Variants in MYO5B observed in about 807,000 individuals in gnomAD.
MYO5B encodes the protein myosin VB, also known as unconventional myosin-Vb.
Under a neutral mutation model 229.3 loss-of-function variants are expected in MYO5B, and 143 were observed. The ratio of observed to expected loss-of-function variants is 0.62; its 90% CI spans 0.54 to 0.72. The LOEUF (loss-of-function observed/expected upper bound fraction) is 0.72, where lower values mean the gene tolerates loss of function less well. Ranked by LOEUF, MYO5B falls within the 30% of genes least tolerant of loss-of-function variation. The probability of loss-of-function intolerance (pLI) is 0.00; values close to 1 mark genes in which losing one functional copy is unlikely to be tolerated. For synonymous variants in MYO5B, 918 were observed against 885.2 expected (o/e 1.04, Z -0.66); for missense variants, 2,321 against 2,331.0 (o/e 1.00, Z 0.09).
chr18:50,112,201 G>A lies in MYO5B; in HGVS notation c.28-56823C>T, dbSNP rs143819931. ...GAGCAAACCTCCTAAATATTGAGTAGGGAAAAAGTATAGTAAAGAGAATTG... is the reference window on the plus strand; with the variant it reads ...GAGCAAACCTCCTAAATATTGAGTAAGGAAAAAGTATAGTAAAGAGAATTG... On this transcript the variant is annotated intron_variant, in intron 1 of 39. Transcript: ENST00000285039. Among the ~76,000 whole-genome samples, 22 of 152,258 alleles carry A rather than the reference G, an allele frequency of 1.4e-4. No homozygotes were observed. The East Asian group carries it at 3.7e-3, about 25-fold the overall frequency.
At position 50,170,973 on chromosome 18, in the gene MYO5B, C is replaced by T. The variant is rs1202833527; in HGVS notation, c.27+23794G>A. On this transcript the variant is annotated intron_variant, in intron 1 of 39. Coordinates refer to ENST00000285039, the MANE Select transcript of MYO5B (RefSeq NM_001080467.3). ...AGTGAAGAGCTGCAAAATCCCGTTACCCCGTGGTGAACCCACACCTGCCTC... is the reference window on the plus strand; with the variant it reads ...AGTGAAGAGCTGCAAAATCCCGTTATCCCGTGGTGAACCCACACCTGCCTC... Among the ~76,000 whole-genome samples, 3 of 127,610 alleles carry T rather than the reference C, an allele frequency of 2.4e-5. 1 individual carries two copies. The highest frequency in any genetic ancestry group is 8.9e-5 in the African/African-American group (3 of 33,694). 83.7% of individuals were successfully genotyped at this position (127,610 alleles called of 152,430 possible).
At chr18:50,002,086 C>G (rs1290356957) in intron 4 of MYO5B, among the ~76,000 whole-genome samples, 1 of 151,868 alleles carries the variant, frequency 6.6e-6, no homozygotes, top group Admixed American at 6.6e-5. Flanking sequence ...TATATCATCT[C>G]CCCTTTGTTT....
chr18:49,940,975 A>G (rs1232504762), intron 14 of MYO5B, among the ~76,000 whole-genome samples: 1 of 152,242 alleles, frequency 6.6e-6, no homozygotes, highest in South Asian at 2.1e-4. Context: ...TACAAAGTTC[A>G]TACATCTTAG....
intron 39 of MYO5B, among the ~76,000 whole-genome samples, chr18:49,831,872 T>C (rs961292785): frequency 2.0e-5 from 3 of 152,112 alleles, no homozygotes; most frequent in Non-Finnish European, 4.4e-5. Flanking sequence ...AACCAATGAA[T>C]AGACAGAATG....
chr18:50,041,384 C>T (rs188322662), intron 2 of MYO5B, among the ~76,000 whole-genome samples: 5 of 152,112 alleles, frequency 3.3e-5, no homozygotes, highest in Admixed American at 3.3e-4. Flanking sequence ...TTCCTCTCAC[C>T]CCATCTTTAG....
intron 39 of MYO5B, among the ~76,000 whole-genome samples, chr18:49,828,485 T>G (rs752776681): frequency 6.6e-6 from 1 of 152,210 alleles, no homozygotes; most frequent in Non-Finnish European, 1.5e-5. Context: ...CAGTAATGGT[T>G]GGACATTTCA....
At chr18:49,894,365 C>A (rs2024753008) in intron 22 of MYO5B, among the ~76,000 whole-genome samples, 2 of 152,180 alleles carry the variant, frequency 1.3e-5, no homozygotes, top group Non-Finnish European at 2.9e-5. Context: ...ACTTCCCTGG[C>A]TGGAACAGTT....
chr18:49,829,436 T>C (rs2023888122), intron 39 of MYO5B, among the ~76,000 whole-genome samples: 1 of 152,172 alleles, frequency 6.6e-6, no homozygotes, highest in African/African-American at 2.4e-5. Context: ...AATAGACCTA[T>C]AACAAGTAAG....
intron 1 of MYO5B, among the ~76,000 whole-genome samples, chr18:50,104,559 A>C (rs1384581789): frequency 6.6e-6 from 1 of 152,140 alleles, no homozygotes; most frequent in Non-Finnish European, 1.5e-5. Context: ...TTGGGGATGA[A>C]GAGTAATGAT....
chr18:50,085,629 G>A (rs928623278), intron 1 of MYO5B, among the ~76,000 whole-genome samples: 14 of 152,056 alleles, frequency 9.2e-5, no homozygotes, highest in Non-Finnish European at 1.3e-4. Flanking sequence ...TGTTTTTTGC[G>A]GCACTATTCA....
Position 49,902,631 on chromosome 18 carries a change from T to C in MYO5B, c.2774A>G (p.Asn925Ser), listed in dbSNP as rs1372379834. Reference sequence around the variant, plus strand: ...CTTCCGCTGCAGCTGGACCACCTTGTTCTCCATGCCCACGTTGAGACGTTT... The same window carrying C: ...CTTCCGCTGCAGCTGGACCACCTTGCTCTCCATGCCCACGTTGAGACGTTT... Reference protein sequence around the residue: ...HLKRLNVGMENKVVQLQRKID... With the variant: ...HLKRLNVGMESKVVQLQRKID... Residue 925 changes from asparagine to serine, a missense_variant, in exon 21 of 40, where the codon AAC becomes AGC. Coordinates refer to ENST00000285039, the MANE Select transcript of MYO5B (RefSeq NM_001080467.3). 1.2e-6 allele frequency: 2 copies of C among 1,613,258 alleles called. No individual in the cohort carries two copies. The highest frequency in any genetic ancestry group is 1.1e-5 in the South Asian group (1 of 91,080).
intron 10 of MYO5B, among the ~76,000 whole-genome samples, chr18:49,964,066 T>C (rs994182868): frequency 1.3e-5 from 2 of 152,210 alleles, no homozygotes; most frequent in Non-Finnish European, 2.9e-5. Flanking sequence ...AGTTGTTAGC[T>C]GCTATTAGTT....
Position 50,001,117 on chromosome 18 carries a change from G to A in MYO5B, c.612+138C>T, listed in dbSNP as rs1351304529. The A allele has an allele frequency of 4.6e-6, 5 of 1,092,886 alleles. No homozygotes were observed. In the East Asian group the frequency reaches 7.1e-5, roughly 16 times the overall value. 67.7% of individuals were successfully genotyped at this position (1,092,886 alleles called of 1,614,324 possible). A position where few individuals can be genotyped will look rare whatever the true frequency, so the allele number is the denominator to read the frequency against. On this transcript the variant is annotated intron_variant, in intron 5 of 39. Coordinates refer to ENST00000285039, the MANE Select transcript of MYO5B (RefSeq NM_001080467.3). Reference sequence around the variant, plus strand: ...ACATCCATGGTTTTAGAGGCAGCTTGGTAACTTTTCCTCCACAGTGGACAG... The same window carrying A: ...ACATCCATGGTTTTAGAGGCAGCTTAGTAACTTTTCCTCCACAGTGGACAG...
At chr18:49,995,548 T>A (rs2025978982) in intron 5 of MYO5B, among the ~76,000 whole-genome samples, 1 of 152,056 alleles carries the variant, frequency 6.6e-6, no homozygotes, top group Non-Finnish European at 1.5e-5. Flanking sequence ...CTCACTTATA[T>A]CTTTTTATGT....
chr18:50,194,546 G>A (rs552282921), intron 1 of MYO5B, among the ~76,000 whole-genome samples: 157 of 152,330 alleles, frequency 1.0e-3, no homozygotes, highest in African/African-American at 3.5e-3. Flanking sequence ...GAACCTCTAG[G>A]AGCCGGGTGG....
At position 49,904,685 on chromosome 18, in the gene MYO5B, C is replaced by G; in HGVS notation, c.2558G>C (p.Arg853Thr). 1 of 1,613,870 alleles carries G rather than the reference C, an allele frequency of 6.2e-7. No homozygotes were observed. The highest frequency in any genetic ancestry group is 8.5e-7 in the Non-Finnish European group (1 of 1,180,040). The change falls in exon 20 of 40, where the codon AGA becomes ACA. Residue 853 changes from arginine (R) to threonine (T), a missense_variant. Around this residue, in one of 2 missense-constraint regions of MYO5B, gnomAD observed 2,113 missense variants for 2,044.7 expected, o/e 1.03. Coordinates refer to ENST00000285039, the MANE Select transcript of MYO5B (RefSeq NM_001080467.3). ...QAFTRAMFVRRTYRQVLMEHK... is the reference protein window; with the variant it reads ...QAFTRAMFVRTTYRQVLMEHK... Reference sequence around the variant, plus strand: ...GTGGCTACTCACCTGGCGGTAGGTTCTCCGCACAAACATGGCCCGGGTGAA... The same window carrying G: ...GTGGCTACTCACCTGGCGGTAGGTTGTCCGCACAAACATGGCCCGGGTGAA...
chr18:49,880,894 A>G lies in MYO5B; in HGVS notation c.3046-439T>C, dbSNP rs567326999. On this transcript the variant is annotated intron_variant, in intron 22 of 39. Transcript: ENST00000285039. ...GCCACCAGAAGGTTTGCTGAGTGCA[A>G]TCACTCCCTGGCACCATGCTCCTTA... is the stretch of plus-strand genomic sequence containing the variant. Among the ~76,000 whole-genome samples, 3 of 152,330 alleles carry G rather than the reference A, an allele frequency of 2.0e-5. No homozygotes were observed. The East Asian group carries it at 5.8e-4, about 29-fold the overall frequency.
At position 49,984,301 on chromosome 18, in the gene MYO5B, C is replaced by T. The variant is rs555596979; in HGVS notation, c.946+417G>A. Among the ~76,000 whole-genome samples the T allele has an allele frequency of 4.6e-5, 7 of 152,356 alleles. No homozygotes were observed. The East Asian group carries it at 1.4e-3, about 29-fold the overall frequency. The stretch of plus-strand genomic sequence containing the variant: ...GCAGCTGCCAGACCTTCACAGCCTG[C>T]TTCCAACTCTGATTTCATGCTGTGG... On this transcript the variant is annotated intron_variant, in intron 8 of 39. Transcript: ENST00000285039.
At chr18:50,026,444 G>A (rs1466212737) in intron 4 of MYO5B, among the ~76,000 whole-genome samples, 1 of 152,210 alleles carries the variant, frequency 6.6e-6, no homozygotes, top group Non-Finnish European at 1.5e-5. Flanking sequence ...TAAGCATAGT[G>A]TAGTTTATGC....
Sources: allele counts gnomAD v4.1 joint callset (sites outside exome capture counted in the v4.1 genomes callset), GRCh38; gene constraint gnomAD v4.1.1; regional missense constraint gnomAD v4.1.1; transcripts MANE v1.5; gene names NCBI Gene and HGNC (gene_info 2026-07-23, HGNC 2026-07-21).